DGKI: variants seen among roughly 807,000 people sequenced by gnomAD.
DGKI encodes diacylglycerol kinase iota, also known as DAG kinase iota.
In DGKI, 55 loss-of-function variants were observed where a neutral mutation model predicts 147.5. The observed-to-expected ratio is 0.37, with a 90% CI of 0.30 to 0.47. The LOEUF is 0.47. DGKI is among the 20% of genes least tolerant of loss of function. The pLI is 1.00. For synonymous variants in DGKI, 469 were observed against 477.1 expected (o/e 0.98, Z 0.22); for missense variants, 1,007 against 1,323.8 (o/e 0.76, Z 3.71).
At chr7:137,832,306 G>A (rs1248919805) in intron 1 of DGKI, among the ~76,000 whole-genome samples, 3 of 152,236 alleles carry the variant, frequency 2.0e-5, no homozygotes, top group Non-Finnish European at 4.4e-5. Flanking sequence ...GGTTCTCCAT[G>A]AGGGCCCTGC....
At chr7:137,428,093 A>G (rs1812898327) in intron 28 of DGKI, among the ~76,000 whole-genome samples, 1 of 146,284 alleles carries the variant, frequency 6.8e-6, no homozygotes, top group South Asian at 2.3e-4. Flanking sequence ...GCAGAGACAC[A>G]ACCAAAAAAG....
At chr7:137,529,800 A>T (rs1209643803) in intron 20 of DGKI, among the ~76,000 whole-genome samples, 1 of 152,162 alleles carries the variant, frequency 6.6e-6, no homozygotes, top group Non-Finnish European at 1.5e-5. Context: ...CCCAGGCTGG[A>T]GTGCAATGGC....
intron 28 of DGKI, among the ~76,000 whole-genome samples, chr7:137,419,511 T>C (rs1234140220): frequency 5.3e-5 from 8 of 152,216 alleles, no homozygotes; most frequent in Non-Finnish European, 1.2e-4. Context: ...CCATGGTACA[T>C]GAGCAACAAA....
intron 1 of DGKI, among the ~76,000 whole-genome samples, chr7:137,751,013 C>G (rs1173973772): frequency 6.6e-6 from 1 of 152,184 alleles, no homozygotes; most frequent in South Asian, 2.1e-4. Flanking sequence ...AGTAGATGAT[C>G]TGTAAAGGCC....
intron 1 of DGKI, among the ~76,000 whole-genome samples, chr7:137,793,065 A>G (rs949284861): frequency 6.6e-6 from 1 of 152,188 alleles, no homozygotes; most frequent in Non-Finnish European, 1.5e-5. Flanking sequence ...ATTGCATCAG[A>G]TAGTTTATCT....
chr7:137,759,786 C>T (rs901441286), intron 1 of DGKI, among the ~76,000 whole-genome samples: 2 of 152,124 alleles, frequency 1.3e-5, no homozygotes, highest in Non-Finnish European at 2.9e-5. Flanking sequence ...ACTCATTCTC[C>T]CTTTCTTTCT....
At chr7:137,622,826 C>T (rs547647592) in intron 7 of DGKI, among the ~76,000 whole-genome samples, 8 of 152,212 alleles carry the variant, frequency 5.3e-5, no homozygotes, top group South Asian at 2.1e-4. Context: ...CGAGGAATTA[C>T]GCTCTAAATA....
At chr7:137,545,904 T>A (rs1225543489) in intron 20 of DGKI, 3 of 702,312 alleles carry the variant, frequency 4.3e-6, no homozygotes, top group Non-Finnish European at 7.8e-6. Context: ...ACTCACATGG[T>A]GAAGGAGCCG....
At chr7:137,749,198 C>T (rs972865807) in intron 1 of DGKI, among the ~76,000 whole-genome samples, 1 of 152,188 alleles carries the variant, frequency 6.6e-6, no homozygotes, top group Non-Finnish European at 1.5e-5. Flanking sequence ...CTCCTCTGTC[C>T]TCCACCTTTC....
intron 19 of DGKI, among the ~76,000 whole-genome samples, chr7:137,562,083 G>C (rs1181980529): frequency 1.3e-5 from 2 of 152,162 alleles, no homozygotes; most frequent in Non-Finnish European, 2.9e-5. Flanking sequence ...TCAACAGGAA[G>C]GAGTGAATAG....
rs1813616918 is a variant in DGKI, at chr7:137,444,086, C to T, written c.2752G>A (p.Glu918Lys). 1.3e-6 allele frequency: 2 copies of T among 1,542,520 alleles called. No homozygotes were observed. The highest frequency in any genetic ancestry group is 2.4e-5 in the South Asian group (2 of 82,342). The change falls in exon 28 of 33, where the codon GAA (glutamate) becomes AAA (lysine). Residue 918 changes from glutamate (E) to lysine (K), a missense_variant. By Grantham distance (56) the Glu-to-Lys change is moderately conservative (BLOSUM62 1). Transcript: ENST00000614521. ...SRVLQSPVSS[E>K]DHAILQAVIA... ...GACAGATGATTCTTACCATGATCTT[C>T]TGAAGAGACTGGTGACCTAAAAGGA...
In DGKI at chr7:137,548,706, G is replaced by A. The variant is rs112825177; in HGVS notation, c.2147+3663C>T. Among the ~76,000 whole-genome samples the A allele has an allele frequency of 1.1e-4, 16 of 152,238 alleles. 1 individual carries two copies. The highest frequency in any genetic ancestry group is 3.4e-4 in the African/African-American group (14 of 41,548). ...GCCTTAGCTGGGCACAGTGACTCAC[G>A]CCTGTAATCCCAGCACTTTGGGAGG... On this transcript the variant is annotated intron_variant, in intron 20 of 32. Coordinates refer to ENST00000614521, the MANE Select transcript of DGKI (RefSeq NM_001321708.2).
intron 6 of DGKI, among the ~76,000 whole-genome samples, chr7:137,638,623 T>TATATGTATATATATAC (rs1563125933): frequency 0.011 from 30 of 2,736 alleles, 5 homozygotes; most frequent in African/African-American, 0.038. Flanking sequence ...CACACACACA[T>TATATGTATATATATAC]ATATATGTGT....
At chr7:137,493,741 G>A (rs531810564) in intron 21 of DGKI, 27 of 701,324 alleles carry the variant, frequency 3.8e-5, no homozygotes, top group East Asian at 1.3e-4. Context: ...AAGAACCAGC[G>A]CGAGAACTCT....
At position 137,678,483 on chromosome 7, in the gene DGKI, A is replaced by C. The variant is rs540483046; in HGVS notation, c.606+74T>G. 9 of 1,451,434 alleles carry C rather than the reference A, an allele frequency of 6.2e-6. No homozygotes were observed. In the South Asian group the frequency reaches 9.2e-5, roughly 15 times the overall value. The allele number at this position is 1,451,434 out of a possible 1,614,324, so 89.9% of individuals were successfully genotyped here. ...AGGCTCGTTCAAACCTCCCCTTGGAAATTTAGGCAAGGTGACCCCTCTATT... is the reference window on the plus strand; with the variant it reads ...AGGCTCGTTCAAACCTCCCCTTGGACATTTAGGCAAGGTGACCCCTCTATT... On this transcript the variant is annotated intron_variant, in intron 3 of 32. Transcript: ENST00000614521.
intron 32 of DGKI, 99 bp downstream of exon 32, chr7:137,395,499 A>G: frequency 8.9e-7 from 1 of 1,117,386 alleles, no homozygotes; most frequent in Admixed American, 2.0e-5. Flanking sequence ...GCACTTCCAT[A>G]AGCACAGAAA....
chr7:137,548,968 A>G (rs1049257028), intron 20 of DGKI, among the ~76,000 whole-genome samples: 2 of 152,164 alleles, frequency 1.3e-5, no homozygotes, highest in African/African-American at 4.8e-5. Context: ...CTCAATAAAT[A>G]AACAAATAAA....
At chr7:137,795,666 G>A (rs555350163) in intron 1 of DGKI, among the ~76,000 whole-genome samples, 22 of 152,300 alleles carry the variant, frequency 1.4e-4, no homozygotes, top group Middle Eastern at 6.8e-3. Flanking sequence ...ATGCATATGC[G>A]CAAGCTGTGA....
rs1324989885 is a variant in DGKI, at chr7:137,389,596, C to T, written c.*1624G>A. 1.3e-5 allele frequency: 2 copies of T among 152,176 alleles called. No individual in the cohort carries two copies. Among genetic ancestry groups the T allele is most frequent in the Non-Finnish European group, 1.5e-5 (1 of 68,020 alleles). The allele number at this position is 152,176 out of a possible 1,614,324, so 9.4% of individuals were successfully genotyped here. The stretch of plus-strand genomic sequence containing the variant: ...AATAAGCTCAGGAGACGTCAGATTT[C>T]GCCAAAAGTAAAATCCTTGGACACC... On this transcript the variant is annotated 3_prime_UTR_variant, in exon 33 of 33. Coordinates refer to ENST00000614521, the MANE Select transcript of DGKI (RefSeq NM_001321708.2).
Sources: gnomAD v4.1 joint callset for allele counts (sites outside exome capture counted in the v4.1 genomes callset) on GRCh38, gnomAD v4.1.1 for gene constraint, MANE v1.5 for transcripts, NCBI Gene and HGNC (gene_info 2026-07-23, HGNC 2026-07-21) for gene names.